Variants in IGSF9 observed in about 807,000 individuals in gnomAD.
IGSF9 encodes the protein protein turtle homolog A.
IGSF9 carries 87 observed loss-of-function variants against 121.7 expected under a neutral mutation model. The ratio of observed to expected loss-of-function variants is 0.71; its 90% confidence interval spans 0.60 to 0.85. IGSF9 has a LOEUF of 0.85. Ranked by LOEUF, IGSF9 falls within the 40% of genes least tolerant of loss-of-function variation. IGSF9 has a pLI of 0.00. For missense variants in IGSF9, 1,462 were observed against 1,565.3 expected (o/e 0.93, Z 1.11); for synonymous variants, 640 against 648.4 (o/e 0.99, Z 0.20).
Position 159,931,352 on chromosome 1 carries a change from A to G in IGSF9, c.1514-91T>C. 6.3e-7 allele frequency: 1 copy of G among 1,599,716 alleles called. No individual in the cohort carries two copies. Among genetic ancestry groups the G allele is most frequent in the South Asian group, 1.1e-5 (1 of 89,500 alleles). On this transcript the variant is annotated intron_variant, in intron 12 of 20. Transcript: ENST00000368094. The surrounding 1 kb of genome is among the most constrained non-coding windows in gnomAD (Gnocchi z 4.8). ...CCAGGGCCACTGACCTTCACCCATC[A>G]TCATCCCAGGGGTCCCACACCCATG...
chr1:159,944,369 C>A (rs115901094), intron 1 of IGSF9, among the ~76,000 whole-genome samples: 2,081 of 152,218 alleles, frequency 0.014, 59 homozygotes, highest in African/African-American at 0.047. Context: ...TATGGGGGAT[C>A]CAGGCAGCAT....
intron 6 of IGSF9, 25 bp downstream of exon 6, chr1:159,936,374 C>T: frequency 1.9e-6 from 3 of 1,598,564 alleles, no homozygotes; most frequent in African/African-American, 1.3e-5. Context: ...TAACCCTGGA[C>T]CCCAGCCCTC....
intron 3 of IGSF9, among the ~76,000 whole-genome samples, chr1:159,939,409 AAG>A (rs1176167629): frequency 6.6e-6 from 1 of 151,874 alleles, no homozygotes; most frequent in Non-Finnish European, 1.5e-5. Flanking sequence ...TTAATTTTTG[AAG>A]AGAGGGGTCT....
At position 159,943,598 on chromosome 1, in the gene IGSF9, G is replaced by A. The variant is rs1316275; in HGVS notation, c.-144C>T. 360,382 of 623,446 alleles carry A rather than the reference G, an allele frequency of 0.58. 108,953 individuals carry two copies. The highest frequency in any genetic ancestry group is 0.88 in the East Asian group (26,307 of 29,852). The allele number at this position is 623,446 out of a possible 1,614,324, so 38.6% of individuals were successfully genotyped here. A position where few individuals can be genotyped will look rare whatever the true frequency, so the allele number is the denominator to read the frequency against. The stretch of plus-strand genomic sequence containing the variant: ...TGAGGGCTTGGCTCATGTAACACCC[G>A]AGGAAGCTGCTCTCCGGAGAACCAC... On this transcript the variant is annotated 5_prime_UTR_variant, in exon 2 of 21. Transcript: ENST00000368094.
At chr1:159,942,331 G>C (rs1651411646) in intron 3 of IGSF9, among the ~76,000 whole-genome samples, 1 of 152,172 alleles carries the variant, frequency 6.6e-6, no homozygotes, top group East Asian at 1.9e-4. Context: ...ACCCAGGCCA[G>C]CCCCATCCAG....
chr1:159,934,780 T>G lies in IGSF9; in HGVS notation c.716A>C (p.Asn239Thr). Residue 239 changes from asparagine (N) to threonine (T), a missense_variant, in exon 7 of 21, where the codon AAT becomes ACT. By Grantham distance (65) the Asn-to-Thr change is moderately conservative (BLOSUM62 0). This residue lies in a region of IGSF9 where 558 missense variants were observed against 599.4 expected (regional missense o/e 0.93). Transcript: ENST00000368094. ...IVVPPKNSTV[N>T]ASQDVSLACH... Reference sequence around the variant, plus strand: ...GGCCAATGAAACATCCTGGGAGGCATTGACTGTGCTGTTCTTGGGGGGCAC... The same window carrying G: ...GGCCAATGAAACATCCTGGGAGGCAGTGACTGTGCTGTTCTTGGGGGGCAC... The G allele has an allele frequency of 1.2e-6, 2 of 1,614,170 alleles. No homozygotes were observed. Among genetic ancestry groups the G allele is most frequent in the East Asian group, 2.2e-5 (1 of 44,882 alleles).
intron 5 of IGSF9, 33 bp from the exon 6 acceptor site, chr1:159,936,549 C>T (rs373249771): frequency 6.3e-7 from 1 of 1,597,956 alleles, no homozygotes; most frequent in Non-Finnish European, 8.6e-7. Context: ...AGAGTCCTTT[C>T]CCCTGCCAGC....
At position 159,928,691 on chromosome 1, in the gene IGSF9, G is replaced by A; in HGVS notation, c.2697C>T (p.Cys899=). 1 of 1,479,872 alleles carries A rather than the reference G, an allele frequency of 6.8e-7. No individual in the cohort carries two copies. 91.7% of individuals were successfully genotyped at this position (1,479,872 alleles called of 1,614,324 possible). A position where few individuals can be genotyped will look rare whatever the true frequency, so the allele number is the denominator to read the frequency against. The change falls in exon 19 of 21, where the codon TGC becomes TGT. Residue 899 remains cysteine (C), a synonymous_variant. Coordinates refer to ENST00000368094, the MANE Select transcript of IGSF9 (RefSeq NM_001135050.2). The stretch of plus-strand genomic sequence containing the variant: ...GTGCCACAGGGCTGATGTCTTCAAT[G>A]CAGAGGGGCTGGGGTGCCCCACTGG... The part of the protein sequence containing the change: ...SSPSGAPQPL[C]IEDISPVAPP...
Position 159,932,545 on chromosome 1 carries a change from G to A in IGSF9, c.1212C>T (p.Ala404=), listed in dbSNP as rs111438240. Residue 404 remains alanine (A), a synonymous_variant, in exon 10 of 21, where the codon GCC becomes GCT. Transcript: ENST00000368094. This position sits in a 1 kb window ranked among gnomAD's most constrained non-coding sequence, Gnocchi z 4.1. ...SCTPYNSLGT[A]GPSPVTRVLL... ...GCACGCGGGTCACAGGAGAGGGCCC[G>A]GCGGTACCAAGACTGTTGTAGGGGG... is the stretch of plus-strand genomic sequence containing the variant. 5.0e-3 allele frequency: 8,131 copies of A among 1,613,782 alleles called. 39 individuals are homozygous for A. The highest frequency in any genetic ancestry group is 0.013 in the Middle Eastern group (76 of 6,054).
chr1:159,941,479 G>A (rs1651378395), intron 3 of IGSF9, among the ~76,000 whole-genome samples: 1 of 152,248 alleles, frequency 6.6e-6, no homozygotes, highest in Non-Finnish European at 1.5e-5. Context: ...GGAGCAGACA[G>A]TAAGTCCCAG....
At position 159,929,990 on chromosome 1, in the gene IGSF9, G is replaced by A. The variant is rs1309169540; in HGVS notation, c.2065-15C>T. The A allele has an allele frequency of 1.3e-6, 2 of 1,592,988 alleles. No individual in the cohort carries two copies. The highest frequency in any genetic ancestry group is 2.3e-5 in the East Asian group (1 of 43,890). ...TAGAGAACATCCTGCGATGGGGATG[G>A]GGTACCAGGAGGGAGGTCAGGGCCC... On this transcript the variant is annotated splice_polypyrimidine_tract_variant and intron_variant, in intron 15 of 20. Transcript: ENST00000368094.
Position 159,932,089 on chromosome 1 carries a change from C to G in IGSF9, c.1246-161G>C. 1.7e-6 allele frequency: 1 copy of G among 586,714 alleles called. No individual in the cohort carries two copies. Among genetic ancestry groups the G allele is most frequent in the South Asian group, 2.1e-5 (1 of 47,240 alleles). 36.3% of individuals were successfully genotyped at this position (586,714 alleles called of 1,614,324 possible). On this transcript the variant is annotated intron_variant, in intron 10 of 20. Transcript: ENST00000368094. This position sits in a 1 kb window ranked among gnomAD's most constrained non-coding sequence, Gnocchi z 4.1. Reference sequence around the variant, plus strand: ...TGTCTCTACCTCATTCTCTCTCCATCTCTCAATTCCTCTCTGGCTCTGTTT... The same window carrying G: ...TGTCTCTACCTCATTCTCTCTCCATGTCTCAATTCCTCTCTGGCTCTGTTT...
In IGSF9 at chr1:159,945,569, T is replaced by G. The variant is rs1248203872; in HGVS notation, c.-175+4A>C. ...CTATACCTCCAGTACGCCCCCTCCC[T>G]CACCTGCTCCGCACCGCTCGGCTCC... is the stretch of plus-strand genomic sequence containing the variant. On this transcript the variant is annotated splice_donor_region_variant and intron_variant, in intron 1 of 20. Coordinates refer to ENST00000368094, the MANE Select transcript of IGSF9 (RefSeq NM_001135050.2). 6.6e-6 allele frequency: 1 copy of G among 152,168 alleles called. No individual in the cohort carries two copies. The highest frequency in any genetic ancestry group is 2.4e-5 in the African/African-American group (1 of 41,362). The allele number at this position is 152,168 out of a possible 1,614,324, so 9.4% of individuals were successfully genotyped here.
chr1:159,936,637 TC>T (rs1651196438), intron 5 of IGSF9, 116 bp downstream of exon 5: 2 of 1,525,818 alleles, frequency 1.3e-6, no homozygotes, highest in African/African-American at 2.7e-5. Context: ...GCCAAGCCCT[TC>T]TTCTGGCCCA....
At position 159,932,420 on chromosome 1, in the gene IGSF9, G is replaced by GGGGC; in HGVS notation, c.1245+91_1245+92insGCCC. ...CTTGGAAACCCCTCCCCATGTGTCT[G>GGGGC]CCCCACCCCACCCCCATCAGCCTGG... On this transcript the variant is annotated intron_variant, in intron 10 of 20. Coordinates refer to ENST00000368094, the MANE Select transcript of IGSF9 (RefSeq NM_001135050.2). This position sits in a 1 kb window ranked among gnomAD's most constrained non-coding sequence, Gnocchi z 4.1. 2 of 1,021,816 alleles carry GGGGC rather than the reference G, an allele frequency of 2.0e-6. No individual in the cohort carries two copies. The highest frequency in any genetic ancestry group is 1.5e-6 in the Non-Finnish European group (1 of 689,032). The allele number at this position is 1,021,816 out of a possible 1,614,324, so 63.3% of individuals were successfully genotyped here.
rs763141525 is a variant in IGSF9, at chr1:159,928,689, A to T, written c.2699T>A (p.Ile900Asn). The change falls in exon 19 of 21, where the codon ATT becomes AAT. Residue 900 changes from isoleucine (I) to asparagine (N), a missense_variant. Coordinates refer to ENST00000368094, the MANE Select transcript of IGSF9 (RefSeq NM_001135050.2). ...GGGTGCCACAGGGCTGATGTCTTCA[A>T]TGCAGAGGGGCTGGGGTGCCCCACT... ...SPSGAPQPLC[I>N]EDISPVAPPP... 1.4e-6 allele frequency: 2 copies of T among 1,480,652 alleles called. No individual in the cohort carries two copies. Among genetic ancestry groups the T allele is most frequent in the Non-Finnish European group, 1.8e-6 (2 of 1,114,104 alleles). The allele number at this position is 1,480,652 out of a possible 1,614,324, so 91.7% of individuals were successfully genotyped here.
chr1:159,941,886 T>C (rs1445344532), intron 3 of IGSF9, among the ~76,000 whole-genome samples: 2 of 152,220 alleles, frequency 1.3e-5, no homozygotes, highest in African/African-American at 4.8e-5. Context: ...ACCAGGCTGT[T>C]TGCCAATAAC....
chr1:159,944,259 G>A (rs1371702292), intron 1 of IGSF9, among the ~76,000 whole-genome samples: 1 of 152,114 alleles, frequency 6.6e-6, no homozygotes, highest in African/African-American at 2.4e-5. Context: ...TCTGGAAGCT[G>A]AGGACCCGAG....
In IGSF9 at chr1:159,932,578, G is replaced by T. The variant is rs1171551115; in HGVS notation, c.1179C>A (p.Tyr393Ter). 6.2e-7 allele frequency: 1 copy of T among 1,614,108 alleles called. No individual in the cohort carries two copies. The highest frequency in any genetic ancestry group is 1.7e-5 in the Admixed American group (1 of 60,014). Residue 393 changes from tyrosine (Y) to a stop codon, truncating the protein, a stop_gained, in exon 10 of 21, where the codon TAC (tyrosine) becomes TAA (stop). Coordinates refer to ENST00000368094, the MANE Select transcript of IGSF9 (RefSeq NM_001135050.2). LOFTEE classifies it high-confidence loss of function. This position sits in a 1 kb window ranked among gnomAD's most constrained non-coding sequence, Gnocchi z 4.1. ...ALGNEDALGE[Y>*]SCTPYNSLGT... is the part of the protein sequence containing the mutation. ...CAAGACTGTTGTAGGGGGTGCAGGA[G>T]TATTCTCCCAGGGCATCCTCGTTCC...
Sources: gnomAD v4.1 joint callset for allele counts (sites outside exome capture counted in the v4.1 genomes callset) on GRCh38, gnomAD v4.1.1 for gene constraint, gnomAD v4.1.1 regional missense constraint, Gnocchi (gnomAD v3.1) non-coding constraint, MANE v1.5 for transcripts, NCBI Gene and HGNC (gene_info 2026-07-23, HGNC 2026-07-21) for gene names.